MYOM1: variants seen among roughly 807,000 people sequenced by gnomAD.
MYOM1 encodes myomesin-1.
In MYOM1, 164 loss-of-function variants were observed where a neutral mutation model predicts 205.3. That is an observed-to-expected ratio of 0.80 (90% CI 0.70 to 0.91). MYOM1 has a LOEUF of 0.91. Ranked by LOEUF, MYOM1 falls within the 40% of genes least tolerant of loss-of-function variation. The pLI is 0.00. For synonymous variants in MYOM1, 772 were observed against 789.4 expected (o/e 0.98, Z 0.37); for missense variants, 2,011 against 2,127.3 (o/e 0.95, Z 1.08).
At chr18:3,207,351 T>C (rs894698621) in intron 2 of MYOM1, among the ~76,000 whole-genome samples, 3 of 152,320 alleles carry the variant, frequency 2.0e-5, no homozygotes, top group South Asian at 4.1e-4. Context: ...TTTAACCCCA[T>C]ATTTCCTAGA....
Position 3,214,930 on chromosome 18 carries a change from A to T in MYOM1, c.290+4T>A, listed in dbSNP as rs2081240869. On this transcript the variant is annotated splice_donor_region_variant and intron_variant, in intron 2 of 37. Transcript: ENST00000356443. ...GGAAGGTTGGAGGAGGGCGTCCGAC[A>T]TACCCATGGGAGGAGCCATAATCGT... The T allele has an allele frequency of 6.3e-7, 1 of 1,583,030 alleles. No homozygotes were observed. The highest frequency in any genetic ancestry group is 8.6e-7 in the Non-Finnish European group (1 of 1,161,676).
intron 5 of MYOM1, among the ~76,000 whole-genome samples, chr18:3,177,107 T>C (rs1249179379): frequency 6.6e-6 from 1 of 151,588 alleles, no homozygotes; most frequent in South Asian, 2.1e-4. Flanking sequence ...ATTAGCTGAG[T>C]GTAAACCTGT....
chr18:3,159,890 C>T (rs753821048), intron 10 of MYOM1, among the ~76,000 whole-genome samples: 27 of 52,468 alleles, frequency 5.1e-4, no homozygotes, highest in South Asian at 2.1e-3. Flanking sequence ...TCCTTCCTTC[C>T]TTCCTTCCTT....
intron 2 of MYOM1, 63 bp from the exon 3 acceptor site, chr18:3,194,021 G>C: frequency 6.5e-7 from 1 of 1,532,254 alleles, no homozygotes; most frequent in East Asian, 2.3e-5. Context: ...TTCAAAATAC[G>C]ATAGAGGAAG....
chr18:3,174,295 C>T, intron 6 of MYOM1, 87 bp from the exon 7 acceptor site: 1 of 1,124,938 alleles, frequency 8.9e-7, no homozygotes. Context: ...TTTGCTATCA[C>T]AGCCCCCTGC....
chr18:3,094,218 A>AT lies in MYOM1; in HGVS notation c.3815dup (p.Asn1272LysfsTer9), dbSNP rs2143726319. The AT allele has an allele frequency of 6.2e-7, 1 of 1,614,000 alleles. No individual in the cohort carries two copies. The highest frequency in any genetic ancestry group is 2.2e-5 in the East Asian group (1 of 44,880). On this transcript the variant is annotated frameshift_variant, in exon 26 of 38. Transcript: ENST00000356443. LOFTEE classifies it high-confidence loss of function. ...CGTTAAATATGTAGTTGACTTTGGC[A>AT]TTGCCAGACAGTTTCTCAGCCTGCA...
chr18:3,182,373 T>C (rs921424536), intron 5 of MYOM1, among the ~76,000 whole-genome samples: 1 of 152,222 alleles, frequency 6.6e-6, no homozygotes, highest in Non-Finnish European at 1.5e-5. Context: ...ACATGGCACA[T>C]GTATACATAT....
At position 3,116,526 on chromosome 18, in the gene MYOM1, G is replaced by GAGT; in HGVS notation, c.3119-12_3119-11insACT. ...GACTGTGCGGTGGTCCTGAGAGAGA[G>GAGT]AGAAGCCAATGAGTAGAAATCATAA... On this transcript the variant is annotated splice_polypyrimidine_tract_variant and intron_variant, in intron 20 of 37. Coordinates refer to ENST00000356443, the MANE Select transcript of MYOM1 (RefSeq NM_003803.4). 1 of 1,504,288 alleles carries GAGT rather than the reference G, an allele frequency of 6.6e-7. No homozygotes were observed. Among genetic ancestry groups the GAGT allele is most frequent in the Non-Finnish European group, 8.9e-7 (1 of 1,121,832 alleles). The allele number at this position is 1,504,288 out of a possible 1,614,324, so 93.2% of individuals were successfully genotyped here.
intron 2 of MYOM1, among the ~76,000 whole-genome samples, chr18:3,213,596 G>A (rs995459982): frequency 6.6e-6 from 1 of 151,736 alleles, no homozygotes. Context: ...TAAGCCAACT[G>A]CAAAGTGAAC....
intron 10 of MYOM1, 108 bp from the exon 11 acceptor site, chr18:3,155,196 T>C: frequency 8.7e-7 from 1 of 1,149,726 alleles, no homozygotes; most frequent in Non-Finnish European, 1.2e-6. Flanking sequence ...GGCTCAATCT[T>C]TGGCCCCAAC....
At chr18:3,197,665 A>T (rs575711502) in intron 2 of MYOM1, among the ~76,000 whole-genome samples, 11 of 151,974 alleles carry the variant, frequency 7.2e-5, no homozygotes, top group South Asian at 2.1e-4. Context: ...CGAGGTCAGG[A>T]GATCGAGACC....
chr18:3,100,866 T>C (rs1240523715), intron 23 of MYOM1, among the ~76,000 whole-genome samples: 3 of 152,230 alleles, frequency 2.0e-5, no homozygotes, highest in Non-Finnish European at 2.9e-5. Context: ...AGCATCTGTA[T>C]TCTCCTCACT....
chr18:3,238,706 A>G, the MYOM1 span, among the ~76,000 whole-genome samples: 1 of 152,032 alleles, frequency 6.6e-6, no homozygotes, highest in Non-Finnish European at 1.5e-5. Context: ...TGGAAGTCCA[A>G]TGTGGATCTC....
chr18:3,121,628 AG>A (rs2079693142), intron 19 of MYOM1, among the ~76,000 whole-genome samples: 1 of 148,744 alleles, frequency 6.7e-6, no homozygotes, highest in South Asian at 2.2e-4. Context: ...GTTGGGAAAA[AG>A]GTAAAGGGGT....
chr18:3,085,631 A>C (rs2079144502), intron 30 of MYOM1, among the ~76,000 whole-genome samples: 1 of 152,170 alleles, frequency 6.6e-6, no homozygotes, highest in South Asian at 2.1e-4. Flanking sequence ...TTCATTTATT[A>C]AAAACTAGTG....
At chr18:3,112,712 C>T (rs561486088) in intron 21 of MYOM1, among the ~76,000 whole-genome samples, 10 of 152,304 alleles carry the variant, frequency 6.6e-5, no homozygotes, top group African/African-American at 7.2e-5. Context: ...GACTAGTGTA[C>T]GTAGGTGTCA....
intron 5 of MYOM1, among the ~76,000 whole-genome samples, chr18:3,177,917 T>C (rs2080671297): frequency 6.6e-6 from 1 of 152,230 alleles, no homozygotes; most frequent in Non-Finnish European, 1.5e-5. Flanking sequence ...CCTCCCTTTT[T>C]CTGACTGTTC....
chr18:3,168,645 T>C (rs2080507865), intron 9 of MYOM1, among the ~76,000 whole-genome samples, 172 bp downstream of exon 9: 1 of 152,210 alleles, frequency 6.6e-6, no homozygotes, highest in Non-Finnish European at 1.5e-5. Context: ...GAAAATATCA[T>C]CTCCACAAAT....
chr18:3,244,809 G>C, the MYOM1 span, among the ~76,000 whole-genome samples: 2 of 151,960 alleles, frequency 1.3e-5, no homozygotes. Flanking sequence ...TGAGGCACAA[G>C]AATCACCTGA....
Sources: gnomAD v4.1 joint callset for allele counts (sites outside exome capture counted in the v4.1 genomes callset) on GRCh38, gnomAD v4.1.1 for gene constraint, MANE v1.5 for transcripts, NCBI Gene and HGNC (gene_info 2026-07-23, HGNC 2026-07-21) for gene names.